The following LRIG3 variants were observed in gnomAD, a reference collection of about 807,000 sequenced individuals.
LRIG3 encodes leucine rich repeats and immunoglobulin like domains 3.
LRIG3 carries 76 observed loss-of-function variants against 114.5 expected under a neutral mutation model. That is an observed-to-expected ratio of 0.66 (90% CI 0.55 to 0.80). The LOEUF (loss-of-function observed/expected upper bound fraction) is 0.80. Among genes scored for constraint, LRIG3 ranks in the 30% least tolerant of loss-of-function variants. LRIG3 has a pLI of 0.00. For synonymous variants in LRIG3, 512 were observed against 519.8 expected (o/e 0.98, Z 0.20); for missense variants, 1,239 against 1,382.8 (o/e 0.90, Z 1.65).
Position 58,872,483 on chromosome 12 carries a change from C to T in LRIG3, c.*89G>A, listed in dbSNP as rs984931446. On this transcript the variant is annotated 3_prime_UTR_variant, in exon 19 of 19. Transcript: ENST00000320743. ...ATTTTTATCCTTTTAAAATTCATAA[C>T]TCCATTTAAAAAACATAAGATTCTC... 208 of 1,361,892 alleles carry T rather than the reference C, an allele frequency of 1.5e-4. No homozygotes were observed. Among genetic ancestry groups the T allele is most frequent in the Non-Finnish European group, 1.9e-4 (198 of 1,032,178 alleles). The allele number at this position is 1,361,892 out of a possible 1,614,324, so 84.4% of individuals were successfully genotyped here.
At chr12:58,909,900 C>A (rs1374025568) in intron 3 of LRIG3, among the ~76,000 whole-genome samples, 1 of 152,230 alleles carries the variant, frequency 6.6e-6, no homozygotes, top group Non-Finnish European at 1.5e-5. Context: ...AAACCATCCT[C>A]CTGCCACCTC....
In LRIG3 at chr12:58,872,796, T is replaced by C. The variant is rs763045234; in HGVS notation, c.3136A>G (p.Arg1046Gly). The C allele has an allele frequency of 1.9e-6, 3 of 1,612,704 alleles. No individual in the cohort carries two copies. The highest frequency in any genetic ancestry group is 4.5e-5 in the East Asian group (2 of 44,858). The change falls in exon 19 of 19, where the codon AGG becomes GGG. Residue 1046 changes from arginine (R) to glycine (G), a missense_variant. By Grantham distance (125) the Arg-to-Gly change is moderately radical. Coordinates refer to ENST00000320743, the MANE Select transcript of LRIG3 (RefSeq NM_153377.5). ...GAATAGGCATCTAGGTGAGGTCTCC[T>C]GAGAGCTTTTCCAAAGGTACCTGAA... is the stretch of plus-strand genomic sequence containing the variant. ...SFMGTFGKAL[R>G]RPHLDAYSSF...
Position 58,876,556 on chromosome 12 carries a change from C to A in LRIG3, c.2584G>T (p.Gly862Ter). The A allele has an allele frequency of 6.2e-7, 1 of 1,614,144 alleles. No individual in the cohort carries two copies. The highest frequency in any genetic ancestry group is 8.5e-7 in the Non-Finnish European group (1 of 1,180,014). ...ADIPSYLSSQGTLADRQDGYV... is the reference protein window; with the variant it reads ...ADIPSYLSSQ ...CCATCCTGCCTGTCAGCTAACGTTC[C>A]CTGAGATGACAAATAACTAGGAATA... The change falls in exon 16 of 19, where the codon GGA becomes TGA. Residue 862 changes from glycine to a stop codon, truncating the protein, a stop_gained. Transcript: ENST00000320743. LOFTEE classifies it high-confidence loss of function.
chr12:58,887,363 T>G (rs1871310112), intron 8 of LRIG3, among the ~76,000 whole-genome samples: 1 of 151,986 alleles, frequency 6.6e-6, no homozygotes, highest in Non-Finnish European at 1.5e-5. Context: ...GGTCAATTAA[T>G]TTAACTCCCT....
rs776106507 is a variant in LRIG3, at chr12:58,885,886, G to C, written c.1189C>G (p.Arg397Gly). ...KLRRLILQGN[R>G]IRSITKKAFT... ...GCTTTTTTAGTAATAGAACGGATCC[G>C]ATTTCCTTGGAGTATCCTGGGGAAA... Residue 397 changes from arginine (R) to glycine (G), a missense_variant, in exon 10 of 19, where the codon CGG (arginine) becomes GGG (glycine). Physicochemically the swap from Arg to Gly is moderately radical, Grantham distance 125. Transcript: ENST00000320743. The C allele has an allele frequency of 2.5e-6, 4 of 1,585,052 alleles. No homozygotes were observed. Among genetic ancestry groups the C allele is most frequent in the South Asian group, 2.2e-5 (2 of 89,134 alleles).
chr12:58,910,893 C>T lies in LRIG3; in HGVS notation c.383+3089G>A, dbSNP rs199851267. On this transcript the variant is annotated intron_variant, in intron 3 of 18. Coordinates refer to ENST00000320743, the MANE Select transcript of LRIG3 (RefSeq NM_153377.5). ...TGCTCGAGCAGGTCATTCCACACCA[C>T]GCAAAGCCAGAGTTCATACATTCAG... Among the ~76,000 whole-genome samples the T allele has an allele frequency of 3.9e-4, 60 of 152,294 alleles. No individual in the cohort carries two copies. In the East Asian group the frequency reaches 6.0e-3, roughly 15 times the overall value.
chr12:58,896,343 C>G (rs11172804), intron 3 of LRIG3, among the ~76,000 whole-genome samples: 1 of 152,144 alleles, frequency 6.6e-6, no homozygotes, highest in East Asian at 1.9e-4. Context: ...AACCTTCATG[C>G]TCTCTTAAGT....
chr12:58,874,713 G>T (rs1395081336), intron 16 of LRIG3, 140 bp from the exon 17 acceptor site: 11 of 1,065,046 alleles, frequency 1.0e-5, no homozygotes, highest in Non-Finnish European at 2.7e-6. Context: ...AAAATTTACA[G>T]TAGGGTTTTA....
rs753535719 is a variant in LRIG3, at chr12:58,874,303, A to C, written c.2867T>G (p.Leu956Ter). 6.2e-7 allele frequency: 1 copy of C among 1,612,848 alleles called. No homozygotes were observed. The highest frequency in any genetic ancestry group is 1.7e-5 in the Admixed American group (1 of 59,814). The part of the protein sequence containing the change: ...TGCSPDPRTV[L>*]MDHYEPSYIK... Reference sequence around the variant, plus strand: ...GTAACTGGGCTCATAGTGGTCCATTAAAACTGTTCTTGGGTCAGGACTGCA... The same window carrying C: ...GTAACTGGGCTCATAGTGGTCCATTCAAACTGTTCTTGGGTCAGGACTGCA... The change falls in exon 18 of 19, where the codon TTA becomes TGA. Residue 956 changes from leucine to a stop codon, truncating the protein, a stop_gained. Coordinates refer to ENST00000320743, the MANE Select transcript of LRIG3 (RefSeq NM_153377.5). LOFTEE classifies it high-confidence loss of function.
chr12:58,876,376 T>G, intron 16 of LRIG3, 69 bp downstream of exon 16: 3 of 1,514,650 alleles, frequency 2.0e-6, no homozygotes, highest in Non-Finnish European at 2.7e-6. Flanking sequence ...TGAAAATGAA[T>G]ATCATATCTG....
chr12:58,902,040 T>A lies in LRIG3; in HGVS notation c.384-11244A>T, dbSNP rs911469176. Among the ~76,000 whole-genome samples, 4 of 152,314 alleles carry A rather than the reference T, an allele frequency of 2.6e-5. No homozygotes were observed. The East Asian group carries it at 7.7e-4, about 29-fold the overall frequency. On this transcript the variant is annotated intron_variant, in intron 3 of 18. Coordinates refer to ENST00000320743, the MANE Select transcript of LRIG3 (RefSeq NM_153377.5). ...TATAATATAGCAAGCTGTTCCTAAC[T>A]CCTTTCACTTTTTCTTTGAAATTTA...
At chr12:58,913,399 A>C (rs1022157666) in intron 3 of LRIG3, 9 of 152,254 alleles carry the variant, frequency 5.9e-5, no homozygotes, top group African/African-American at 9.6e-5. Flanking sequence ...AAATACAGAA[A>C]ACTTGGTACA....
intron 3 of LRIG3, among the ~76,000 whole-genome samples, chr12:58,900,125 A>T (rs1592305781): frequency 6.6e-6 from 1 of 152,288 alleles, no homozygotes; most frequent in South Asian, 2.1e-4. Flanking sequence ...GTGTCATGGG[A>T]AAGGTAGTTA....
At chr12:58,919,251 G>A (rs1872583513) in intron 1 of LRIG3, among the ~76,000 whole-genome samples, 1 of 152,138 alleles carries the variant, frequency 6.6e-6, no homozygotes, top group Non-Finnish European at 1.5e-5. Flanking sequence ...CAGGTTTTCA[G>A]ACTTCGCAGC....
chr12:58,912,710 G>A (rs1872331177), intron 3 of LRIG3, among the ~76,000 whole-genome samples: 2 of 152,138 alleles, frequency 1.3e-5, no homozygotes, highest in Admixed American at 6.5e-5. Context: ...AATATGCAGT[G>A]CGAGGACAGC....
intron 3 of LRIG3, among the ~76,000 whole-genome samples, chr12:58,902,236 T>C (rs1215503969): frequency 6.6e-6 from 1 of 152,132 alleles, no homozygotes; most frequent in Non-Finnish European, 1.5e-5. Flanking sequence ...CACAAAGCGA[T>C]GTGACTCAAT....
intron 14 of LRIG3, among the ~76,000 whole-genome samples, chr12:58,878,277 T>TC (rs1870997495): frequency 6.6e-6 from 1 of 152,250 alleles, no homozygotes; most frequent in Non-Finnish European, 1.5e-5. Flanking sequence ...ATTAAAACTC[T>TC]GACAATAATT....
chr12:58,890,163 T>A, intron 4 of LRIG3, 24 bp from the exon 5 acceptor site: 1 of 1,609,258 alleles, frequency 6.2e-7, no homozygotes, highest in Middle Eastern at 1.7e-4. Context: ...AAAGATGAGC[T>A]TCTCCTTCTG....
chr12:58,920,227 C>G lies in LRIG3; in HGVS notation c.9G>C (p.Ala3=). The G allele has an allele frequency of 1.4e-6, 2 of 1,382,422 alleles. No homozygotes were observed. The highest frequency in any genetic ancestry group is 1.9e-6 in the Non-Finnish European group (2 of 1,078,672). 85.6% of individuals were successfully genotyped at this position (1,382,422 alleles called of 1,614,324 possible). A position where few individuals can be genotyped will look rare whatever the true frequency, so the allele number is the denominator to read the frequency against. The change falls in exon 1 of 19, where the codon GCG becomes GCC. Residue 3 remains alanine, a synonymous_variant. Coordinates refer to ENST00000320743, the MANE Select transcript of LRIG3 (RefSeq NM_153377.5). ...CCGCGGCGCGCGCACGGAGGCTCGG[C>G]GCGCTCATCGCGGTCCAGCGGCCTA... is the stretch of plus-strand genomic sequence containing the variant. MS[A]PSLRARAAGL... is the part of the protein sequence containing the mutation.
Sources: gnomAD v4.1 joint callset for allele counts (sites outside exome capture counted in the v4.1 genomes callset) on GRCh38, gnomAD v4.1.1 for gene constraint, MANE v1.5 for transcripts, NCBI Gene and HGNC (gene_info 2026-07-23, HGNC 2026-07-21) for gene names.